FHOD3: variants seen among roughly 807,000 people sequenced by gnomAD.
The protein encoded by FHOD3 is formin homology 2 domain containing 3, also known as FH1/FH2 domain-containing protein 3.
FHOD3 carries 90 observed loss-of-function variants against 173.0 expected under a neutral mutation model. The ratio of observed to expected loss-of-function variants is 0.52; its 90% CI spans 0.44 to 0.62. The LOEUF (loss-of-function observed/expected upper bound fraction) is 0.62. FHOD3 is among the 20% of genes least tolerant of loss of function. The pLI, the probability that FHOD3 is intolerant of heterozygous loss-of-function variation, is 0.00. For missense variants in FHOD3, 1,945 were observed against 2,034.7 expected (o/e 0.96, Z 0.85); for synonymous variants, 828 against 823.0 (o/e 1.01, Z -0.10).
At chr18:36,531,794 C>G (rs1361275436) in intron 5 of FHOD3, among the ~76,000 whole-genome samples, 1 of 152,230 alleles carries the variant, frequency 6.6e-6, no homozygotes, top group African/African-American at 2.4e-5. Flanking sequence ...TGTCTACAGC[C>G]TGCGGTCCTC....
intron 14 of FHOD3, among the ~76,000 whole-genome samples, chr18:36,673,453 A>G (rs1315397750): frequency 6.6e-6 from 1 of 152,208 alleles, no homozygotes; most frequent in African/African-American, 2.4e-5. Flanking sequence ...TCCTATGAGA[A>G]AAAACAATGT....
intron 3 of FHOD3, among the ~76,000 whole-genome samples, chr18:36,410,324 A>G (rs1366108441): frequency 7.2e-5 from 11 of 152,314 alleles, no homozygotes; most frequent in South Asian, 2.1e-4. Context: ...TCCATGTTGT[A>G]GTATTCATTG....
intron 3 of FHOD3, among the ~76,000 whole-genome samples, chr18:36,452,147 C>G (rs969334413): frequency 6.6e-6 from 1 of 152,072 alleles, no homozygotes; most frequent in Non-Finnish European, 1.5e-5. Context: ...TATGAGGGTG[C>G]GTCTTGGCAT....
intron 2 of FHOD3, among the ~76,000 whole-genome samples, chr18:36,356,428 C>A (rs1397355886): frequency 1.3e-5 from 2 of 152,146 alleles, no homozygotes; most frequent in Non-Finnish European, 2.9e-5. Flanking sequence ...TATCAGCAGC[C>A]ATTCTTATAT....
intron 17 of FHOD3, 32 bp downstream of exon 17, chr18:36,693,455 C>G (rs1334766232): frequency 6.3e-7 from 1 of 1,587,962 alleles, no homozygotes; most frequent in Admixed American, 1.7e-5. Flanking sequence ...GGAAAATGAA[C>G]AGGTTAACAT....
In FHOD3 at chr18:36,699,962, A is replaced by ATCATC. The variant is rs566078496; in HGVS notation, c.2236+6542_2236+6546dup. ...CTCTGGATGCCTCTTTGTCCTCTAG[A>ATCATC]TCATCTCCAGGCTAAACAGGATAGT... On this transcript the variant is annotated intron_variant, in intron 17 of 28. Coordinates refer to ENST00000590592, the MANE Select transcript of FHOD3 (RefSeq NM_001281740.3). 6.7e-3 allele frequency among the ~76,000 whole-genome samples: 1,020 copies of ATCATC among 152,188 alleles called. 6 individuals are homozygous for ATCATC. Among genetic ancestry groups the ATCATC allele is most frequent in the Non-Finnish European group, 8.7e-3 (595 of 68,016 alleles).
chr18:36,684,528 G>T (rs1401481358), intron 15 of FHOD3, among the ~76,000 whole-genome samples: 1 of 151,962 alleles, frequency 6.6e-6, no homozygotes, highest in African/African-American at 2.4e-5. Context: ...GATCCAAATG[G>T]AAATATATAT....
intron 3 of FHOD3, among the ~76,000 whole-genome samples, chr18:36,493,074 A>C (rs550827341): frequency 6.6e-5 from 10 of 152,108 alleles, no homozygotes; most frequent in African/African-American, 2.4e-4. Context: ...CACCTGTTCA[A>C]TGAAGATGTT....
intron 3 of FHOD3, among the ~76,000 whole-genome samples, chr18:36,394,861 C>T (rs948555781): frequency 6.6e-6 from 1 of 152,184 alleles, no homozygotes; most frequent in East Asian, 1.9e-4. Flanking sequence ...ATGGGAGAAG[C>T]TGGGAGATAC....
intron 18 of FHOD3, among the ~76,000 whole-genome samples, chr18:36,712,066 G>C (rs1382155251): frequency 6.6e-6 from 1 of 152,206 alleles, no homozygotes. Flanking sequence ...CGCTCTTGCT[G>C]GGGTGGTGAC....
intron 3 of FHOD3, among the ~76,000 whole-genome samples, chr18:36,475,013 ACACACACACACACACACACACT>A (rs1409143294): frequency 3.0e-5 from 4 of 134,526 alleles, no homozygotes; most frequent in South Asian, 2.7e-4. Flanking sequence ...ACACACACAC[ACACACACACACACACACACACT>A]CTGCAAAATT....
chr18:36,638,543 A>T (rs966809115), intron 10 of FHOD3, among the ~76,000 whole-genome samples: 1 of 152,186 alleles, frequency 6.6e-6, no homozygotes, highest in Non-Finnish European at 1.5e-5. Flanking sequence ...GGAGAGTGGC[A>T]GCAGGGACAT....
chr18:36,664,537 A>G (rs1276237215), intron 14 of FHOD3, among the ~76,000 whole-genome samples: 4 of 152,110 alleles, frequency 2.6e-5, no homozygotes, highest in Admixed American at 2.0e-4. Flanking sequence ...TGGCTCGCTA[A>G]TGGTAGGTTC....
intron 21 of FHOD3, 35 bp from the exon 22 acceptor site, chr18:36,742,702 C>T (rs758699757): frequency 1.3e-6 from 2 of 1,592,782 alleles, no homozygotes; most frequent in Admixed American, 3.6e-5. Flanking sequence ...CCAAATTGTA[C>T]ACTCTTTATT....
intron 5 of FHOD3, among the ~76,000 whole-genome samples, chr18:36,537,131 G>C (rs2057026987): frequency 6.6e-6 from 1 of 152,114 alleles, no homozygotes; most frequent in African/African-American, 2.4e-5. Context: ...GTAGCTTCCA[G>C]GTAGTCAGTA....
At chr18:36,571,512 C>G (rs2058451877) in intron 5 of FHOD3, among the ~76,000 whole-genome samples, 2 of 152,176 alleles carry the variant, frequency 1.3e-5, no homozygotes, top group Admixed American at 1.3e-4. Flanking sequence ...TTGATTTAGA[C>G]AAGCTGCTTC....
intron 28 of FHOD3, among the ~76,000 whole-genome samples, chr18:36,777,111 A>G (rs993685589): frequency 2.6e-5 from 4 of 152,056 alleles, no homozygotes; most frequent in Admixed American, 2.6e-4. Flanking sequence ...ACAAAGATTC[A>G]TAGACTGATG....
intron 3 of FHOD3, among the ~76,000 whole-genome samples, chr18:36,458,529 A>G (rs1215392575): frequency 6.6e-6 from 1 of 152,164 alleles, no homozygotes; most frequent in East Asian, 1.9e-4. Context: ...CTGGATTAAA[A>G]TAGGTGCTTG....
chr18:36,589,072 T>C (rs1332453716), intron 6 of FHOD3, among the ~76,000 whole-genome samples: 1 of 152,180 alleles, frequency 6.6e-6, no homozygotes, highest in African/African-American at 2.4e-5. Flanking sequence ...AGCCTTTATT[T>C]TGAGAGTGCA....
Sources: gnomAD v4.1 joint callset for allele counts (sites outside exome capture counted in the v4.1 genomes callset) on GRCh38, gnomAD v4.1.1 for gene constraint, MANE v1.5 for transcripts, NCBI Gene and HGNC (gene_info 2026-07-23, HGNC 2026-07-21) for gene names.